Variants in SLCO3A1 observed in about 807,000 individuals in gnomAD.
SLCO3A1 encodes the protein solute carrier organic anion transporter family member 3A1.
SLCO3A1 carries 27 observed loss-of-function variants against 63.1 expected under a neutral mutation model. The ratio of observed to expected loss-of-function variants is 0.43; its 90% CI spans 0.32 to 0.59. The LOEUF (loss-of-function observed/expected upper bound fraction) is 0.59, where lower values mean the gene tolerates loss of function less well. Among genes scored for constraint, SLCO3A1 ranks in the 20% least tolerant of loss-of-function variants. The probability of loss-of-function intolerance (pLI) is 0.09; values close to 1 mark genes in which losing one functional copy is unlikely to be tolerated. For synonymous variants in SLCO3A1, 473 were observed against 409.9 expected (o/e 1.15, Z -1.86); for missense variants, 773 against 945.8 (o/e 0.82, Z 2.40).
intron 2 of SLCO3A1, among the ~76,000 whole-genome samples, chr15:92,051,236 G>C (rs1430630613): frequency 6.6e-6 from 1 of 152,192 alleles, no homozygotes; most frequent in African/African-American, 2.4e-5. Flanking sequence ...ACTTGAAACA[G>C]GTGTGATTTG....
intron 1 of SLCO3A1, among the ~76,000 whole-genome samples, chr15:91,868,120 C>T (rs1382259552): frequency 6.6e-6 from 1 of 151,578 alleles, no homozygotes; most frequent in African/African-American, 2.4e-5. Context: ...GGTGGGATCT[C>T]GGCTCGCTGC....
Position 92,041,508 on chromosome 15 carries a change from G to A in SLCO3A1, c.647-53373G>A, listed in dbSNP as rs189134288. ...TGTATGCTGTGAATTCAGGGAACAG[G>A]GAAAGCAATGGTAGACTATGCCAGC... is the stretch of plus-strand genomic sequence containing the variant. On this transcript the variant is annotated intron_variant, in intron 2 of 9. Transcript: ENST00000318445. Among the ~76,000 whole-genome samples, 78 of 152,264 alleles carry A rather than the reference G, an allele frequency of 5.1e-4. 1 individual carries two copies. Among genetic ancestry groups the A allele is most frequent in the Admixed American group, 4.6e-3 (71 of 15,286 alleles).
intron 1 of SLCO3A1, among the ~76,000 whole-genome samples, chr15:91,877,029 C>T (rs1306204065): frequency 2.0e-5 from 3 of 152,228 alleles, no homozygotes; most frequent in Non-Finnish European, 4.4e-5. Flanking sequence ...GTTTCTTCTG[C>T]ATTTTCACAG....
chr15:91,854,840 C>T lies in SLCO3A1; in HGVS notation c.180+752C>T, dbSNP rs1468026325. Among the ~76,000 whole-genome samples, 1 of 152,150 alleles carries T rather than the reference C, an allele frequency of 6.6e-6. No individual in the cohort carries two copies. Among genetic ancestry groups the T allele is most frequent in the African/African-American group, 2.4e-5 (1 of 41,428 alleles). On this transcript the variant is annotated intron_variant, in intron 1 of 9. Coordinates refer to ENST00000318445, the MANE Select transcript of SLCO3A1 (RefSeq NM_013272.4). This position sits in a 1 kb window ranked among gnomAD's most constrained non-coding sequence, Gnocchi z 6.4. The stretch of plus-strand genomic sequence containing the variant: ...CCACAATGAATATGTATTTTATTTG[C>T]CTCCAGAAAGGGGATGTTAATGCTC...
At chr15:91,996,026 G>A (rs1467669203) in intron 2 of SLCO3A1, among the ~76,000 whole-genome samples, 1 of 151,998 alleles carries the variant, frequency 6.6e-6, no homozygotes, top group Non-Finnish European at 1.5e-5. Context: ...GGATGTTCTA[G>A]CTATACTTAG....
chr15:92,167,863 C>T (rs1343848527), downstream of SLCO3A1, among the ~76,000 whole-genome samples: 1 of 152,212 alleles, frequency 6.6e-6, no homozygotes, highest in East Asian at 1.9e-4. Flanking sequence ...GGCCCTGTCC[C>T]TTAGAAACCT....
chr15:92,032,644 TG>T (rs5814506), intron 2 of SLCO3A1, among the ~76,000 whole-genome samples: 42,675 of 151,910 alleles, frequency 0.28, 6,589 homozygotes, highest in Non-Finnish European at 0.35. Context: ...CAGAAAGCCC[TG>T]GGTGCGGTGA....
At chr15:91,914,850 G>A (rs972921025) in intron 1 of SLCO3A1, among the ~76,000 whole-genome samples, 1 of 152,110 alleles carries the variant, frequency 6.6e-6, no homozygotes, top group Non-Finnish European at 1.5e-5. Context: ...GGGATTACAG[G>A]TGTGAGCCAC....
At chr15:91,878,085 CTT>C (rs757889262) in intron 1 of SLCO3A1, among the ~76,000 whole-genome samples, 11 of 119,844 alleles carry the variant, frequency 9.2e-5, no homozygotes, top group Admixed American at 8.9e-5. Context: ...GGATTTAGGC[CTT>C]TTTTTTTTTT....
At chr15:91,891,140 G>GA (rs72116786) in intron 1 of SLCO3A1, among the ~76,000 whole-genome samples, 20,124 of 141,752 alleles carry the variant, frequency 0.14, 1,546 homozygotes, top group East Asian at 0.32. Flanking sequence ...TGGCATTTTG[G>GA]AAAAAAAAAA....
chr15:92,154,263 C>T (rs1485552364), intron 9 of SLCO3A1, among the ~76,000 whole-genome samples: 1 of 152,150 alleles, frequency 6.6e-6, no homozygotes, highest in Non-Finnish European at 1.5e-5. Context: ...ACCCACAGTG[C>T]CCACTCCTAA....
Position 91,941,025 on chromosome 15 carries a change from A to G in SLCO3A1, c.646+24567A>G, listed in dbSNP as rs1899602637. Among the ~76,000 whole-genome samples the G allele has an allele frequency of 2.0e-5, 3 of 152,130 alleles. No homozygotes were observed. Among genetic ancestry groups the G allele is most frequent in the Admixed American group, 2.0e-4 (3 of 15,274 alleles). ...GGGTGATTTATTGAAGTGAAGGTAG[A>G]GGGAGTGGGTGGAAAGGAAATCACC... On this transcript the variant is annotated intron_variant, in intron 2 of 9. Transcript: ENST00000318445. The surrounding 1 kb of genome is among the most constrained non-coding windows in gnomAD (Gnocchi z 4.4).
At chr15:92,120,331 C>T (rs1041008345) in intron 4 of SLCO3A1, 134 bp from the exon 5 acceptor site, 10 of 842,736 alleles carry the variant, frequency 1.2e-5, no homozygotes, top group Non-Finnish European at 1.8e-5. Context: ...GCCTTAGCAA[C>T]TGGGTACCTC....
chr15:92,141,448 T>C (rs2048130711), intron 7 of SLCO3A1, among the ~76,000 whole-genome samples: 1 of 152,182 alleles, frequency 6.6e-6, no homozygotes, highest in Admixed American at 6.5e-5. Context: ...ATTGGCCAAA[T>C]AGAACTATGC....
In SLCO3A1 at chr15:92,047,503, AAAT is replaced by A. The variant is rs1474242461; in HGVS notation, c.647-47376_647-47374del. Among the ~76,000 whole-genome samples the A allele has an allele frequency of 8.8e-4, 31 of 35,186 alleles. 2 individuals are homozygous for A. The highest frequency in any genetic ancestry group is 1.1e-3 in the African/African-American group (11 of 10,212). The allele number at this position is 35,186 out of a possible 152,430, so 23.1% of individuals were successfully genotyped here. Reference sequence around the variant, plus strand: ...TATAAATATATATATAAATATATATAAATATATATAAATACATAAATAAATATA... The same window carrying A: ...TATAAATATATATATAAATATATATAATATATAAATACATAAATAAATATA... On this transcript the variant is annotated intron_variant, in intron 2 of 9. Transcript: ENST00000318445.
intron 2 of SLCO3A1, among the ~76,000 whole-genome samples, chr15:92,025,478 C>T (rs1050859126): frequency 6.6e-6 from 1 of 152,148 alleles, no homozygotes; most frequent in African/African-American, 2.4e-5. Flanking sequence ...ACTACTACTA[C>T]TGCTGCTGCT....
Position 91,916,352 on chromosome 15 carries a change from C to T in SLCO3A1, c.540C>T (p.Leu180=), listed in dbSNP as rs1346187235. 6.2e-7 allele frequency: 1 copy of T among 1,610,994 alleles called. No homozygotes were observed. The highest frequency in any genetic ancestry group is 8.5e-7 in the Non-Finnish European group (1 of 1,178,948). ...RTATNMMYLL[L]IGAQVLLGIG... The stretch of plus-strand genomic sequence containing the variant: ...CTACCAACATGATGTACTTGCTGCT[C>T]ATTGGGGCCCAGGTGCTCCTGGGCA... Residue 180 remains leucine, a synonymous_variant, in exon 2 of 10, where the codon CTC becomes CTT. Transcript: ENST00000318445. This position sits in a 1 kb window ranked among gnomAD's most constrained non-coding sequence, Gnocchi z 6.2.
chr15:91,899,557 CA>C (rs1567176598), intron 1 of SLCO3A1, among the ~76,000 whole-genome samples: 1 of 152,124 alleles, frequency 6.6e-6, no homozygotes, highest in African/African-American at 2.4e-5. Flanking sequence ...TTGCATTTAC[CA>C]CATTCCACCT....
intron 2 of SLCO3A1, among the ~76,000 whole-genome samples, chr15:92,052,426 A>G (rs1408831742): frequency 6.6e-6 from 1 of 152,100 alleles, no homozygotes. Flanking sequence ...TAAATCCTAG[A>G]CTCACCTGGG....
Sources: allele counts gnomAD v4.1 joint callset (sites outside exome capture counted in the v4.1 genomes callset), GRCh38; gene constraint gnomAD v4.1.1; non-coding constraint Gnocchi (gnomAD v3.1); transcripts MANE v1.5; gene names NCBI Gene and HGNC (gene_info 2026-07-23, HGNC 2026-07-21).